The following SETDB1 variants were observed in gnomAD, a reference collection of about 807,000 sequenced individuals.
The protein encoded by SETDB1 is SET domain bifurcated histone lysine methyltransferase 1.
A neutral mutation model predicts 137.4 loss-of-function variants in SETDB1; 31 were observed. The ratio of observed to expected loss-of-function variants is 0.23; its 90% CI spans 0.17 to 0.30. The LOEUF is 0.30. Ranked by LOEUF, SETDB1 falls within the 10% of genes least tolerant of loss-of-function variation. The pLI is 1.00. For missense variants in SETDB1, 1,113 were observed against 1,631.5 expected, an observed-to-expected ratio of 0.68 and a Z score of 5.47; for synonymous variants, 548 against 579.9, an observed-to-expected ratio of 0.95 and a Z score of 0.79.
chr1:150,963,755 C>T lies in SETDB1; in HGVS notation c.3672+14C>T. 1 of 1,610,994 alleles carries T rather than the reference C, an allele frequency of 6.2e-7. No individual in the cohort carries two copies. On this transcript the variant is annotated intron_variant, in intron 20 of 21. Transcript: ENST00000692827. ...CGCTACCTCAACGTGAGACCCCTCT[C>T]CCCACCTCTAGATGCTGGATTATCC...
intron 2 of SETDB1, 135 bp downstream of exon 2, chr1:150,928,109 G>GT: frequency 1.0e-6 from 1 of 1,004,920 alleles, no homozygotes; most frequent in Non-Finnish European, 1.5e-6. Flanking sequence ...CCAAGCTAGA[G>GT]TGCAGTGGAG....
At chr1:150,929,773 T>G (rs1355327242) in intron 2 of SETDB1, among the ~76,000 whole-genome samples, 194 bp from the exon 3 acceptor site, 1 of 152,142 alleles carries the variant, frequency 6.6e-6, no homozygotes, top group Admixed American at 6.6e-5. Flanking sequence ...GAGGAACTAG[T>G]CTGGAAACTA....
Position 150,960,683 on chromosome 1 carries a change from C to G in SETDB1, c.2624C>G (p.Ala875Gly). ...ENFKEGYESD[A>G]PCSSDSSGVD... ...TTCAAAGAAGGATATGAGAGTGATG[C>G]CCCCTGTTCCTCTGACAGCAGTGGT... The change falls in exon 16 of 22, where the codon GCC (alanine) becomes GGC (glycine). Residue 875 changes from alanine (A) to glycine (G), a missense_variant. By Grantham distance (60) the Ala-to-Gly change is moderately conservative. This residue lies in a region of SETDB1 where 373 missense variants were observed against 412.7 expected (regional missense o/e 0.90). Coordinates refer to ENST00000692827, the MANE Select transcript of SETDB1 (RefSeq NM_001366418.1). 6.2e-7 allele frequency: 1 copy of G among 1,611,764 alleles called. No homozygotes were observed. Among genetic ancestry groups the G allele is most frequent in the Non-Finnish European group, 8.5e-7 (1 of 1,179,148 alleles).
In SETDB1 at chr1:150,926,457, C is replaced by T. The variant is rs1350091022; in HGVS notation, c.-72C>T. 6.0e-5 allele frequency: 18 copies of T among 300,682 alleles called. No homozygotes were observed. The highest frequency in any genetic ancestry group is 1.0e-4 in the Non-Finnish European group (16 of 155,804). The allele number at this position is 300,682 out of a possible 1,614,324, so 18.6% of individuals were successfully genotyped here. ...CGCTCTTTTCCGTCGAGGCCGACCC[C>T]TGAGTTGTGAGTCTGGGGTCTGGTT... is the stretch of plus-strand genomic sequence containing the variant. On this transcript the variant is annotated 5_prime_UTR_variant, in exon 1 of 22. Coordinates refer to ENST00000692827, the MANE Select transcript of SETDB1 (RefSeq NM_001366418.1).
chr1:150,959,961 T>C (rs982834308), intron 15 of SETDB1, among the ~76,000 whole-genome samples: 2 of 151,744 alleles, frequency 1.3e-5, no homozygotes, highest in African/African-American at 4.8e-5. Context: ...TAATCCCAGC[T>C]ACTTGGGAGG....
At chr1:150,943,288 T>C (rs587748025) in intron 7 of SETDB1, among the ~76,000 whole-genome samples, 26 of 152,262 alleles carry the variant, frequency 1.7e-4, no homozygotes, top group Admixed American at 5.2e-4. Flanking sequence ...ATAATGAGGA[T>C]TGATTAATGG....
At chr1:150,937,849 G>A (rs587649661) in intron 3 of SETDB1, among the ~76,000 whole-genome samples, 1 of 152,202 alleles carries the variant, frequency 6.6e-6, no homozygotes, top group Non-Finnish European at 1.5e-5. Flanking sequence ...CAGCCCAAAT[G>A]TTTATCAACT....
At position 150,945,019 on chromosome 1, in the gene SETDB1, G is replaced by A; in HGVS notation, c.1051G>A (p.Gly351Ser). 1 of 1,614,130 alleles carries A rather than the reference G, an allele frequency of 6.2e-7. No homozygotes were observed. The highest frequency in any genetic ancestry group is 8.5e-7 in the Non-Finnish European group (1 of 1,180,030). ...CCGCCCCATGGTACTGCTCAAGAGT[G>A]GCCAGCTTATCAAGACTGAGTGGGA... ...PNRPMVLLKS[G>S]QLIKTEWEGT... The change falls in exon 9 of 22, where the codon GGC (glycine) becomes AGC (serine). Residue 351 changes from glycine (G) to serine (S), a missense_variant. By Grantham distance (56) the Gly-to-Ser change is moderately conservative. Coordinates refer to ENST00000692827, the MANE Select transcript of SETDB1 (RefSeq NM_001366418.1).
intron 9 of SETDB1, 170 bp downstream of exon 9, chr1:150,945,278 G>T: frequency 6.9e-7 from 1 of 1,452,284 alleles, no homozygotes; most frequent in East Asian, 2.5e-5. Flanking sequence ...TTGTTCCTCT[G>T]CAGGTCATTG....
intron 5 of SETDB1, among the ~76,000 whole-genome samples, chr1:150,942,020 A>G (rs1296158523): frequency 6.6e-6 from 1 of 151,866 alleles, no homozygotes; most frequent in Non-Finnish European, 1.5e-5. Flanking sequence ...CACGCCTGTA[A>G]TCTCAGCTAC....
chr1:150,963,148 G>T lies in SETDB1; in HGVS notation c.3460+9G>T. 1.2e-6 allele frequency: 2 copies of T among 1,601,106 alleles called. No individual in the cohort carries two copies. The highest frequency in any genetic ancestry group is 2.2e-5 in the East Asian group (1 of 44,578). On this transcript the variant is annotated intron_variant, in intron 19 of 21. Transcript: ENST00000692827. ...CAAGAAGAACATGACTGGTAGCCTG[G>T]AAAAATTTTGGGAATGGTGGGAAGA...
chr1:150,963,270 C>G (rs182228980), intron 19 of SETDB1, 131 bp downstream of exon 19: 1 of 834,342 alleles, frequency 1.2e-6, no homozygotes, highest in East Asian at 2.6e-5. Context: ...TCTGGGAGGG[C>G]TTTCTGACTC....
At chr1:150,948,778 A>G (rs1261153011) in intron 10 of SETDB1, among the ~76,000 whole-genome samples, 1 of 151,826 alleles carries the variant, frequency 6.6e-6, no homozygotes, top group Non-Finnish European at 1.5e-5. Flanking sequence ...GCTGGAGTAC[A>G]GTGATGTGAT....
chr1:150,952,847 A>G (rs2102724759), intron 14 of SETDB1, among the ~76,000 whole-genome samples: 1 of 152,314 alleles, frequency 6.6e-6, no homozygotes, highest in South Asian at 2.1e-4. Context: ...AGATCGCACC[A>G]TTGCACTCCA....
At chr1:150,934,261 A>G (rs587631935) in intron 3 of SETDB1, among the ~76,000 whole-genome samples, 1 of 152,262 alleles carries the variant, frequency 6.6e-6, no homozygotes, top group African/African-American at 2.4e-5. Context: ...TCACGAGGTC[A>G]GGAGATCGAA....
chr1:150,963,907 G>C, intron 20 of SETDB1, 88 bp from the exon 21 acceptor site: 1 of 1,335,772 alleles, frequency 7.5e-7, no homozygotes, highest in Non-Finnish European at 1.1e-6. Context: ...GGGTCAGATG[G>C]CATCATTTTT....
rs949449737 is a variant in SETDB1 at position 150,960,984 on chromosome 1, A to G, written c.2925A>G (p.Glu975=). Residue 975 remains glutamate, a synonymous_variant, in exon 16 of 22, where the codon GAA becomes GAG. Transcript: ENST00000692827. The part of the protein sequence containing the change: ...PVGGCNPPSS[E]ETPKNKVASW... ...GTGGCTGCAATCCACCTTCCTCCGA[A>G]GAGACACCCAAGAACAAGGTGGCCT... is the stretch of plus-strand genomic sequence containing the variant. The G allele has an allele frequency of 1.5e-5, 24 of 1,613,196 alleles. No homozygotes were observed. Among genetic ancestry groups the G allele is most frequent in the Non-Finnish European group, 2.0e-5 (24 of 1,179,850 alleles).
intron 16 of SETDB1, 124 bp from the exon 17 acceptor site, chr1:150,962,006 C>A: frequency 1.7e-6 from 2 of 1,154,450 alleles, no homozygotes; most frequent in South Asian, 1.2e-5. Flanking sequence ...GGTTTACCCA[C>A]CCCACTTTAG....
intron 3 of SETDB1, among the ~76,000 whole-genome samples, chr1:150,933,773 CTTTTTCTTT>C (rs1669853507): frequency 2.9e-4 from 4 of 13,930 alleles, no homozygotes; most frequent in Non-Finnish European, 6.7e-4. Flanking sequence ...TTTTCTTTTT[CTTTTTCTTT>C]TTTTTTTTTT....
Sources: gnomAD v4.1 joint callset for allele counts (sites outside exome capture counted in the v4.1 genomes callset) on GRCh38, gnomAD v4.1.1 for gene constraint, gnomAD v4.1.1 regional missense constraint, MANE v1.5 for transcripts, NCBI Gene and HGNC (gene_info 2026-07-23, HGNC 2026-07-21) for gene names.